JAZF1: variants seen among roughly 807,000 people sequenced by gnomAD.
JAZF1 encodes the protein JAZF zinc finger 1, also known as juxtaposed with another zinc finger protein 1.
Under a neutral mutation model 26.4 loss-of-function variants are expected in JAZF1, and 8 were observed. The ratio of observed to expected loss-of-function variants is 0.30; its 90% CI spans 0.18 to 0.55. The LOEUF (loss-of-function observed/expected upper bound fraction) is 0.55, where lower values mean the gene tolerates loss of function less well. JAZF1 is among the 20% of genes least tolerant of loss of function. The probability of loss-of-function intolerance (pLI) is 0.94; values close to 1 mark genes in which losing one functional copy is unlikely to be tolerated. For synonymous variants in JAZF1, 126 were observed against 122.3 expected (o/e 1.03, Z -0.20); for missense variants, 199 against 322.0 (o/e 0.62, Z 2.92).
chr7:27,849,772 C>CACACACATAT (rs140580370), intron 3 of JAZF1, among the ~76,000 whole-genome samples: 5 of 147,014 alleles, frequency 3.4e-5, no homozygotes, highest in African/African-American at 1.3e-4. Context: ...CACACACACA[C>CACACACATAT]ACCCCTACAC....
At chr7:27,933,082 T>C (rs1438067937) in intron 2 of JAZF1, among the ~76,000 whole-genome samples, 1 of 152,170 alleles carries the variant, frequency 6.6e-6, no homozygotes, top group East Asian at 1.9e-4. Flanking sequence ...TTAATTCAAT[T>C]TTCCAACGGA....
intron 3 of JAZF1, among the ~76,000 whole-genome samples, chr7:27,853,271 T>C (rs1416146489): frequency 1.3e-5 from 2 of 152,238 alleles, no homozygotes; most frequent in African/African-American, 4.8e-5. Context: ...TGTTCAATGT[T>C]GTTTTGTTGG....
rs1783134215 is a variant in JAZF1, at chr7:27,850,886, C to T, written c.386-10019G>A. On this transcript the variant is annotated intron_variant, in intron 3 of 4. Transcript: ENST00000283928. The stretch of plus-strand genomic sequence containing the variant: ...TAAACTTTTACAACTATAAATCTAA[C>T]AAACATTTATAAATCTTTAGATAGT... 2.0e-5 allele frequency among the ~76,000 whole-genome samples: 3 copies of T among 150,496 alleles called. No homozygotes were observed. The South Asian group carries it at 6.3e-4, about 32-fold the overall frequency.
intron 1 of JAZF1, among the ~76,000 whole-genome samples, chr7:28,032,503 A>G (rs7789350): frequency 0.059 from 8,969 of 152,214 alleles, 885 homozygotes; most frequent in African/African-American, 0.2. Context: ...GCATGTTTGT[A>G]AACAGTATGT....
At chr7:27,867,825 G>T (rs971655087) in intron 3 of JAZF1, among the ~76,000 whole-genome samples, 2 of 152,204 alleles carry the variant, frequency 1.3e-5, no homozygotes, top group Admixed American at 6.5e-5. Context: ...TGTCCTACAT[G>T]CTTATCTACT....
chr7:27,978,496 G>A (rs147648879), intron 2 of JAZF1, among the ~76,000 whole-genome samples: 36 of 152,276 alleles, frequency 2.4e-4, no homozygotes, highest in Admixed American at 4.6e-4. Flanking sequence ...TTTCCCAGAC[G>A]ATGATGAGTA....
intron 1 of JAZF1, among the ~76,000 whole-genome samples, chr7:28,047,334 T>A (rs558304531): frequency 6.6e-6 from 1 of 152,252 alleles, no homozygotes; most frequent in African/African-American, 2.4e-5. Flanking sequence ...TATTCTCCTG[T>A]ATGAACTTTA....
chr7:27,944,375 C>G (rs1371254540), intron 2 of JAZF1, among the ~76,000 whole-genome samples: 1 of 152,200 alleles, frequency 6.6e-6, no homozygotes, highest in Non-Finnish European at 1.5e-5. Flanking sequence ...CCTTAATTTT[C>G]CGGTTATCCA....
chr7:28,020,430 A>G (rs79461019), intron 1 of JAZF1: 225 of 372,736 alleles, frequency 6.0e-4, no homozygotes, highest in African/African-American at 4.3e-3. Flanking sequence ...GCAGAAGGAA[A>G]CAAACGAGGA....
At chr7:28,051,486 A>C (rs1783616680) in intron 1 of JAZF1, among the ~76,000 whole-genome samples, 1 of 152,052 alleles carries the variant, frequency 6.6e-6, no homozygotes, top group Non-Finnish European at 1.5e-5. Flanking sequence ...TGCTGAAATT[A>C]CAGGCGTCAG....
chr7:28,156,811 A>T (rs1562606273), intron 1 of JAZF1, among the ~76,000 whole-genome samples: 1 of 152,212 alleles, frequency 6.6e-6, no homozygotes, highest in Admixed American at 6.5e-5. Flanking sequence ...AGAAATTTAA[A>T]TTCAGATCCT....
At chr7:28,167,143 T>TG (rs1197064573) in intron 1 of JAZF1, among the ~76,000 whole-genome samples, 1 of 152,190 alleles carries the variant, frequency 6.6e-6, no homozygotes, top group Non-Finnish European at 1.5e-5. Flanking sequence ...ACTATTCCCA[T>TG]GCTCATTGCA....
At chr7:27,846,555 T>C (rs1315381950) in intron 3 of JAZF1, 3 of 471,064 alleles carry the variant, frequency 6.4e-6, no homozygotes, top group Non-Finnish European at 8.8e-6. Flanking sequence ...TTTCTGTAGG[T>C]ATATAACCAG....
At chr7:27,935,738 A>G (rs1267185230) in intron 2 of JAZF1, among the ~76,000 whole-genome samples, 3 of 152,234 alleles carry the variant, frequency 2.0e-5, no homozygotes, top group Non-Finnish European at 4.4e-5. Flanking sequence ...ATAGTTCTCA[A>G]TTGCTAGCCC....
chr7:28,074,046 T>C (rs1236775288), intron 1 of JAZF1, among the ~76,000 whole-genome samples: 3 of 152,170 alleles, frequency 2.0e-5, no homozygotes, highest in African/African-American at 7.2e-5. Flanking sequence ...TTATGCTTTA[T>C]TATAAAATTA....
intron 3 of JAZF1, among the ~76,000 whole-genome samples, chr7:27,862,584 G>A (rs1783404367): frequency 6.6e-6 from 1 of 152,132 alleles, no homozygotes; most frequent in South Asian, 2.1e-4. Flanking sequence ...TACCTATTAG[G>A]TTGCTCCAGA....
chr7:27,982,022 G>T (rs1240649812), intron 2 of JAZF1, among the ~76,000 whole-genome samples: 1 of 152,216 alleles, frequency 6.6e-6, no homozygotes, highest in Non-Finnish European at 1.5e-5. Context: ...AATAGGAACT[G>T]CTCCAGTCTG....
chr7:27,977,963 G>T lies in JAZF1; in HGVS notation c.188+13946C>A, dbSNP rs1044857516. Among the ~76,000 whole-genome samples, 6 of 152,254 alleles carry T rather than the reference G, an allele frequency of 3.9e-5. No individual in the cohort carries two copies. In the East Asian group the frequency reaches 1.2e-3, roughly 29 times the overall value. ...TTGTCTAGAGCCTGAAAACCATTATGTTGTACATTTGTCCAGTTGTTTATG... is the reference window on the plus strand; with the variant it reads ...TTGTCTAGAGCCTGAAAACCATTATTTTGTACATTTGTCCAGTTGTTTATG... On this transcript the variant is annotated intron_variant, in intron 2 of 4. Transcript: ENST00000283928.
At chr7:28,158,193 AGAGAGAGAGAGG>A (rs1783221967) in intron 1 of JAZF1, among the ~76,000 whole-genome samples, 3 of 151,466 alleles carry the variant, frequency 2.0e-5, no homozygotes, top group African/African-American at 7.3e-5. Flanking sequence ...ACACAGAGAG[AGAGAGAGAGAGG>A]GAGAGAGAGA....
Sources: allele counts gnomAD v4.1 joint callset (sites outside exome capture counted in the v4.1 genomes callset), GRCh38; gene constraint gnomAD v4.1.1; transcripts MANE v1.5; gene names NCBI Gene and HGNC (gene_info 2026-07-23, HGNC 2026-07-21).